Variants in PTPRK observed in about 807,000 individuals in gnomAD.
PTPRK encodes protein tyrosine phosphatase receptor type K, also known as receptor-type tyrosine-protein phosphatase kappa.
A neutral mutation model predicts 178.0 loss-of-function variants in PTPRK; 75 were observed. The observed-to-expected ratio is 0.42, with a 90% CI of 0.35 to 0.51. The LOEUF is 0.51. PTPRK is among the 20% of genes least tolerant of loss of function. PTPRK has a pLI of 0.02. For missense variants in PTPRK, 1,441 were observed against 1,797.8 expected, an observed-to-expected ratio of 0.80 and a Z score of 3.59; for synonymous variants, 637 against 620.6, an observed-to-expected ratio of 1.03 and a Z score of -0.39.
intron 7 of PTPRK, among the ~76,000 whole-genome samples, chr6:128,130,657 G>A (rs1273540220): frequency 6.6e-6 from 1 of 152,138 alleles, no homozygotes; most frequent in East Asian, 1.9e-4. Flanking sequence ...CCTTGAAAAT[G>A]TTTTATTGTA....
At chr6:128,098,512 T>G (rs1024698162) in intron 7 of PTPRK, among the ~76,000 whole-genome samples, 1 of 152,042 alleles carries the variant, frequency 6.6e-6, no homozygotes, top group Non-Finnish European at 1.5e-5. Context: ...CTATAGCCAG[T>G]CCATCAGTGG....
At chr6:128,172,580 G>T (rs1403262419) in intron 7 of PTPRK, among the ~76,000 whole-genome samples, 1 of 151,398 alleles carries the variant, frequency 6.6e-6, no homozygotes, top group Non-Finnish European at 1.5e-5. Flanking sequence ...ATTGGATGTT[G>T]TAGTAAGATA....
chr6:128,083,351 C>T (rs1047454951), intron 9 of PTPRK, among the ~76,000 whole-genome samples: 1 of 151,560 alleles, frequency 6.6e-6, no homozygotes, highest in South Asian at 2.1e-4. Context: ...AATGGCTTCT[C>T]CTAAATCACA....
At chr6:128,065,583 G>A (rs989201205) in intron 12 of PTPRK, among the ~76,000 whole-genome samples, 2 of 152,096 alleles carry the variant, frequency 1.3e-5, no homozygotes, top group African/African-American at 4.8e-5. Context: ...AACCAGAGGC[G>A]ATCTGTTTGC....
At chr6:128,002,678 T>C (rs2114697285) in intron 15 of PTPRK, among the ~76,000 whole-genome samples, 1 of 152,040 alleles carries the variant, frequency 6.6e-6, no homozygotes, top group African/African-American at 2.4e-5. Context: ...TCATGTAGAA[T>C]GTCAAACCCC....
intron 2 of PTPRK, among the ~76,000 whole-genome samples, chr6:128,387,444 C>A (rs1025763305): frequency 6.6e-6 from 1 of 152,144 alleles, no homozygotes; most frequent in Non-Finnish European, 1.5e-5. Flanking sequence ...CATGGTTTCA[C>A]TTTGATTGTC....
At chr6:128,369,066 T>C (rs1024149927) in intron 2 of PTPRK, among the ~76,000 whole-genome samples, 2 of 152,152 alleles carry the variant, frequency 1.3e-5, no homozygotes. Context: ...GCAGTTTAAA[T>C]TCTACCATCA....
At chr6:128,236,935 A>C (rs1319063754) in intron 5 of PTPRK, among the ~76,000 whole-genome samples, 4 of 152,158 alleles carry the variant, frequency 2.6e-5, no homozygotes, top group African/African-American at 4.8e-5. Context: ...TAACTCAGGC[A>C]ATTCATTGTT....
intron 3 of PTPRK, 26 bp from the exon 4 acceptor site, chr6:128,242,628 T>G (rs201620802): frequency 6.2e-7 from 1 of 1,608,122 alleles, no homozygotes; most frequent in African/African-American, 1.3e-5. Context: ...AGAAAATATT[T>G]ACAACAATAG....
intron 3 of PTPRK, among the ~76,000 whole-genome samples, chr6:128,257,660 A>G (rs1195455412): frequency 6.6e-6 from 1 of 152,228 alleles, no homozygotes; most frequent in Non-Finnish European, 1.5e-5. Context: ...AAAATGCAAT[A>G]ACAAGTGTTT....
chr6:128,493,654 C>T (rs1007630851), intron 1 of PTPRK, among the ~76,000 whole-genome samples: 2 of 128,818 alleles, frequency 1.6e-5, no homozygotes, highest in African/African-American at 3.1e-5. Flanking sequence ...ACAGAAACAA[C>T]TATACTTATA....
intron 2 of PTPRK, among the ~76,000 whole-genome samples, chr6:128,327,447 C>T (rs1829728699): frequency 6.6e-6 from 1 of 152,144 alleles, no homozygotes; most frequent in South Asian, 2.1e-4. Flanking sequence ...CCCAAAGTAA[C>T]TGGTCATTTT....
chr6:128,513,167 T>A (rs1857424336), intron 1 of PTPRK, among the ~76,000 whole-genome samples: 1 of 152,096 alleles, frequency 6.6e-6, no homozygotes, highest in Non-Finnish European at 1.5e-5. Context: ...TATTAAATAA[T>A]AATCAAGTAA....
intron 3 of PTPRK, among the ~76,000 whole-genome samples, chr6:128,293,955 C>A (rs1228408893): frequency 6.6e-6 from 1 of 152,064 alleles, no homozygotes; most frequent in Non-Finnish European, 1.5e-5. Context: ...ATGACAGAAT[C>A]TAAGGGAAAC....
intron 7 of PTPRK, among the ~76,000 whole-genome samples, chr6:128,104,290 G>A (rs995224920): frequency 1.3e-5 from 2 of 152,128 alleles, no homozygotes; most frequent in East Asian, 1.9e-4. Flanking sequence ...ACAGTGGTGC[G>A]ATCTCGGCTC....
intron 3 of PTPRK, among the ~76,000 whole-genome samples, chr6:128,292,585 T>C (rs1012360371): frequency 4.6e-5 from 7 of 152,062 alleles, no homozygotes; most frequent in African/African-American, 1.7e-4. Context: ...CCAGAACATT[T>C]CTTTCACAAC....
chr6:128,146,424 ATGTGTGTG>A lies in PTPRK; in HGVS notation c.1162+38000_1162+38007del, dbSNP rs35899707. 7.9e-4 allele frequency among the ~76,000 whole-genome samples: 107 copies of A among 135,984 alleles called. 1 individual carries two copies. The highest frequency in any genetic ancestry group is 1.1e-3 in the Non-Finnish European group (66 of 61,152). 89.2% of individuals were successfully genotyped at this position (135,984 alleles called of 152,430 possible). A position where few individuals can be genotyped will look rare whatever the true frequency, so the allele number is the denominator to read the frequency against. ...TGTGTGTTTATGTGTGTGTGTGTTT[ATGTGTGTG>A]TGTGTGTGTGTGTGTGTGTGTGTGT... On this transcript the variant is annotated intron_variant, in intron 7 of 29. Coordinates refer to ENST00000368226, the MANE Select transcript of PTPRK (RefSeq NM_002844.4).
At chr6:127,991,455 G>A (rs1465961946) in intron 19 of PTPRK, 64 bp from the exon 20 acceptor site, 1 of 1,273,562 alleles carries the variant, frequency 7.9e-7, no homozygotes, top group South Asian at 1.7e-5. Flanking sequence ...AAGAAGTTTA[G>A]CTAAGATAAG....
Position 128,264,451 on chromosome 6 carries a change from G to T in PTPRK, c.496-21849C>A, listed in dbSNP as rs946300242. On this transcript the variant is annotated intron_variant, in intron 3 of 29. Coordinates refer to ENST00000368226, the MANE Select transcript of PTPRK (RefSeq NM_002844.4). Reference sequence around the variant, plus strand: ...TCATCATTAAGAATATATTTACTTTGGATAGGTCTTTATAGTTTACAAAGT... The same window carrying T: ...TCATCATTAAGAATATATTTACTTTTGATAGGTCTTTATAGTTTACAAAGT... 5.9e-5 allele frequency among the ~76,000 whole-genome samples: 9 copies of T among 152,070 alleles called. 1 individual carries two copies. In the South Asian group the frequency reaches 1.5e-3, roughly 25 times the overall value.
Sources: gnomAD v4.1 joint callset for allele counts (sites outside exome capture counted in the v4.1 genomes callset) on GRCh38, gnomAD v4.1.1 for gene constraint, MANE v1.5 for transcripts, NCBI Gene and HGNC (gene_info 2026-07-23, HGNC 2026-07-21) for gene names.